VPS13B: variants seen among roughly 807,000 people sequenced by gnomAD.
VPS13B encodes the protein intermembrane lipid transfer protein VPS13B.
In VPS13B, 285 loss-of-function variants were observed where a neutral mutation model predicts 426.4. The observed-to-expected ratio is 0.67, with a 90% CI of 0.61 to 0.74. The LOEUF is 0.74. Ranked by LOEUF, VPS13B falls within the 30% of genes least tolerant of loss-of-function variation. The pLI, the probability that VPS13B is intolerant of heterozygous loss-of-function variation, is 0.00. For missense variants in VPS13B, 4,537 were observed against 4,782.6 expected (o/e 0.95, Z 1.51); for synonymous variants, 1,676 against 1,676.4 (o/e 1.00, Z 0.01).
At chr8:99,470,019 A>C (rs1009255337) in intron 24 of VPS13B, among the ~76,000 whole-genome samples, 6 of 152,196 alleles carry the variant, frequency 3.9e-5, no homozygotes, top group Admixed American at 2.0e-4. Flanking sequence ...CAGAGGTTGC[A>C]TGGCCCTACT....
intron 31 of VPS13B, among the ~76,000 whole-genome samples, chr8:99,562,752 T>C (rs1824996378): frequency 6.6e-6 from 1 of 152,184 alleles, no homozygotes; most frequent in Non-Finnish European, 1.5e-5. Context: ...TTTTAACATA[T>C]GGGTTTCCGG....
chr8:99,436,698 G>A (rs1306516966), intron 22 of VPS13B, among the ~76,000 whole-genome samples: 1 of 152,150 alleles, frequency 6.6e-6, no homozygotes, highest in East Asian at 1.9e-4. Flanking sequence ...CTCATTAAAT[G>A]ATTACAATTT....
chr8:99,720,148 A>C (rs938882409), intron 37 of VPS13B, among the ~76,000 whole-genome samples, 197 bp from the exon 38 acceptor site: 1 of 152,098 alleles, frequency 6.6e-6, no homozygotes, highest in African/African-American at 2.4e-5. Flanking sequence ...GATATAATTA[A>C]TTTTTTTGTT....
intron 33 of VPS13B, among the ~76,000 whole-genome samples, chr8:99,640,978 C>T (rs1293746841): frequency 6.6e-6 from 1 of 152,016 alleles, no homozygotes; most frequent in Non-Finnish European, 1.5e-5. Context: ...TATCTAGGTG[C>T]AGAATAGCAA....
intron 55 of VPS13B, 104 bp downstream of exon 55, chr8:99,848,998 T>G (rs1160780274): frequency 9.1e-7 from 1 of 1,096,206 alleles, no homozygotes; most frequent in African/African-American, 1.5e-5. Flanking sequence ...TATTAAAGCT[T>G]TTGGTTAATT....
At chr8:99,855,797 C>T (rs1187314710) in intron 56 of VPS13B, among the ~76,000 whole-genome samples, 1 of 152,172 alleles carries the variant, frequency 6.6e-6, no homozygotes, top group African/African-American at 2.4e-5. Flanking sequence ...GGGAGAGGGT[C>T]CTGCCAGACC....
At chr8:99,315,111 T>TCAAAATTACA in intron 19 of VPS13B, among the ~76,000 whole-genome samples, 1 of 152,318 alleles carries the variant, frequency 6.6e-6, no homozygotes, top group East Asian at 1.9e-4. Context: ...ATTCAAGGTT[T>TCAAAATTACA]TTAAAAATTT....
At chr8:99,781,781 A>G (rs1449760291) in intron 42 of VPS13B, among the ~76,000 whole-genome samples, 1 of 152,164 alleles carries the variant, frequency 6.6e-6, no homozygotes. Context: ...CTGTGTTACC[A>G]GCAGATTGAT....
intron 17 of VPS13B, among the ~76,000 whole-genome samples, chr8:99,272,278 G>A (rs1478885268): frequency 6.6e-6 from 1 of 152,110 alleles, no homozygotes; most frequent in African/African-American, 2.4e-5. Context: ...GGCAAAATGA[G>A]TGATAAAGTC....
In VPS13B at chr8:99,750,761, G is replaced by A. The variant is rs564573988; in HGVS notation, c.7051-16013G>A. On this transcript the variant is annotated intron_variant, in intron 39 of 61. Coordinates refer to ENST00000357162, the MANE Select transcript of VPS13B (RefSeq NM_152564.5). ...ACATTAGATAGTATTATTAAGTGCC[G>A]TAAGAGTTTAAACCATACATGGGGT... Among the ~76,000 whole-genome samples, 61 of 152,190 alleles carry A rather than the reference G, an allele frequency of 4.0e-4. No individual in the cohort carries two copies. The South Asian group carries it at 0.012, about 29-fold the overall frequency.
intron 2 of VPS13B, among the ~76,000 whole-genome samples, chr8:99,022,133 T>C (rs1841928321): frequency 6.6e-6 from 1 of 151,912 alleles, no homozygotes; most frequent in Non-Finnish European, 1.5e-5. Context: ...TTTGTTCTTA[T>C]TTTTATAATT....
intron 33 of VPS13B, among the ~76,000 whole-genome samples, chr8:99,579,742 G>C (rs1825961024): frequency 6.7e-6 from 1 of 149,704 alleles, no homozygotes; most frequent in African/African-American, 2.5e-5. Context: ...GTCTCACTCT[G>C]TTGCCCAGAC....
At chr8:99,569,114 G>A (rs937812696) in intron 31 of VPS13B, among the ~76,000 whole-genome samples, 6 of 152,062 alleles carry the variant, frequency 3.9e-5, no homozygotes, top group African/African-American at 7.2e-5. Context: ...GAGCCACCAC[G>A]CCTGGCCGAT....
At chr8:99,774,466 G>A (rs1022824834) in intron 40 of VPS13B, among the ~76,000 whole-genome samples, 4 of 152,156 alleles carry the variant, frequency 2.6e-5, no homozygotes, top group Non-Finnish European at 4.4e-5. Flanking sequence ...TACTCATGAT[G>A]TTTTAGCAAC....
At chr8:99,399,958 A>G (rs1211568298) in intron 21 of VPS13B, among the ~76,000 whole-genome samples, 1 of 152,092 alleles carries the variant, frequency 6.6e-6, no homozygotes, top group African/African-American at 2.4e-5. Context: ...TCCATATTTA[A>G]TTTTTAAAAA....
At chr8:99,116,715 T>G (rs918831930) in intron 7 of VPS13B, among the ~76,000 whole-genome samples, 1 of 152,124 alleles carries the variant, frequency 6.6e-6, no homozygotes, top group African/African-American at 2.4e-5. Flanking sequence ...ATTACAGGCA[T>G]GAGCCACCAT....
intron 3 of VPS13B, among the ~76,000 whole-genome samples, chr8:99,093,367 A>T (rs576870120): frequency 9.9e-4 from 149 of 151,122 alleles, no homozygotes; most frequent in Admixed American, 2.3e-3. Context: ...TTTTTTTTTT[A>T]AATTTTTTTT....
chr8:99,383,932 A>G (rs990553663), intron 19 of VPS13B, among the ~76,000 whole-genome samples: 8 of 152,172 alleles, frequency 5.3e-5, no homozygotes, highest in African/African-American at 1.7e-4. Context: ...TTTGAATACA[A>G]GTTTTTGTGT....
Position 99,821,355 on chromosome 8 carries a change from T to G in VPS13B, c.9056T>G (p.Ile3019Ser). ...NTNTVHKSVA[I>S]KLVHNLTSPK... ...AACACTGTGCACAAGTCAGTAGCAA[T>G]TAAACTGGTCCATAACCTGACATCT... The change falls in exon 50 of 62, where the codon ATT (isoleucine) becomes AGT (serine). Residue 3019 changes from isoleucine (I) to serine (S), a missense_variant. Transcript: ENST00000357162. The G allele has an allele frequency of 6.2e-7, 1 of 1,613,862 alleles. No homozygotes were observed. The highest frequency in any genetic ancestry group is 8.5e-7 in the Non-Finnish European group (1 of 1,179,842).
Sources: gnomAD v4.1 joint callset for allele counts (sites outside exome capture counted in the v4.1 genomes callset) on GRCh38, gnomAD v4.1.1 for gene constraint, MANE v1.5 for transcripts, NCBI Gene and HGNC (gene_info 2026-07-23, HGNC 2026-07-21) for gene names.